GRID2: variants seen among roughly 807,000 people sequenced by gnomAD.
The protein encoded by GRID2 is glutamate receptor ionotropic, delta-2.
In GRID2, 33 loss-of-function variants were observed where a neutral mutation model predicts 114.8. The ratio of observed to expected loss-of-function variants is 0.29; its 90% confidence interval spans 0.22 to 0.38. The LOEUF is 0.38. Ranked by LOEUF, GRID2 falls within the 10% of genes least tolerant of loss-of-function variation. The pLI is 1.00. For missense variants in GRID2, 1,184 were observed against 1,257.7 expected, an observed-to-expected ratio of 0.94 and a Z score of 0.89; for synonymous variants, 505 against 449.9, an observed-to-expected ratio of 1.12 and a Z score of -1.55.
intron 2 of GRID2, among the ~76,000 whole-genome samples, chr4:92,967,080 AT>A (rs976070195): frequency 3.3e-5 from 5 of 151,326 alleles, no homozygotes; most frequent in African/African-American, 1.2e-4. Context: ...CCCACTTTAT[AT>A]GTACTCTCCA....
intron 14 of GRID2, among the ~76,000 whole-genome samples, chr4:93,744,660 C>A (rs1243608028): frequency 1.3e-5 from 2 of 152,152 alleles, no homozygotes; most frequent in Non-Finnish European, 2.9e-5. Context: ...GTTGAAATAA[C>A]AAAGGATTTT....
chr4:93,507,945 T>G (rs1369410573), intron 12 of GRID2, among the ~76,000 whole-genome samples: 3 of 151,960 alleles, frequency 2.0e-5, no homozygotes, highest in Non-Finnish European at 4.4e-5. Flanking sequence ...AATATTTCTT[T>G]AAAAATGAAC....
chr4:92,393,749 ATAT>A (rs1730361580), intron 1 of GRID2, among the ~76,000 whole-genome samples: 1 of 152,134 alleles, frequency 6.6e-6, no homozygotes, highest in African/African-American at 2.4e-5. Context: ...AGGGGGTAAA[ATAT>A]TATTAGCCAG....
At chr4:92,443,547 G>A (rs911592775) in intron 1 of GRID2, among the ~76,000 whole-genome samples, 1 of 152,058 alleles carries the variant, frequency 6.6e-6, no homozygotes, top group Non-Finnish European at 1.5e-5. Context: ...GGGGCACAGA[G>A]ATAAGAGGTC....
intron 14 of GRID2, among the ~76,000 whole-genome samples, chr4:93,710,077 T>C (rs1457847243): frequency 6.6e-6 from 1 of 152,190 alleles, no homozygotes; most frequent in Non-Finnish European, 1.5e-5. Flanking sequence ...CTGGTGCCTT[T>C]TAGTCTGTTT....
rs957676664 is a variant in GRID2, at chr4:92,325,569, A to G, written c.88+20825A>G. Among the ~76,000 whole-genome samples, 4 of 151,922 alleles carry G rather than the reference A, an allele frequency of 2.6e-5. No individual in the cohort carries two copies. In the South Asian group the frequency reaches 8.3e-4, roughly 31 times the overall value. The stretch of plus-strand genomic sequence containing the variant: ...AGTGAAGAAAACTGCCTATGAATAT[A>G]TGAGTTATTTATATTCCCATTTTCA... On this transcript the variant is annotated intron_variant, in intron 1 of 15. Transcript: ENST00000282020.
intron 3 of GRID2, among the ~76,000 whole-genome samples, chr4:93,093,005 A>C (rs12506519): frequency 0.37 from 56,786 of 151,712 alleles, 11,067 homozygotes; most frequent in Admixed American, 0.54. Context: ...TAAGCAAACT[A>C]CAACGAACAC....
At chr4:92,666,650 G>GTTTTTTGTTTTTTT (rs1286942855) in intron 2 of GRID2, among the ~76,000 whole-genome samples, 5 of 68,600 alleles carry the variant, frequency 7.3e-5, no homozygotes, top group African/African-American at 2.6e-4. Flanking sequence ...CTTAAGGGTT[G>GTTTTTTGTTTTTTT]TTTTTTTTTT....
chr4:92,420,831 C>T (rs997885560), intron 1 of GRID2, among the ~76,000 whole-genome samples: 1 of 152,062 alleles, frequency 6.6e-6, no homozygotes, highest in Non-Finnish European at 1.5e-5. Context: ...ATTACAGGCA[C>T]GTGCCATCAT....
intron 14 of GRID2, among the ~76,000 whole-genome samples, chr4:93,753,651 T>C (rs938859268): frequency 1.4e-4 from 22 of 152,208 alleles, no homozygotes; most frequent in Non-Finnish European, 3.1e-4. Context: ...GCTTCATCCA[T>C]GTCCCTACAA....
intron 8 of GRID2, among the ~76,000 whole-genome samples, chr4:93,295,774 CA>C (rs1025358951): frequency 1.3e-5 from 2 of 152,154 alleles, no homozygotes; most frequent in African/African-American, 2.4e-5. Context: ...GACATTTTCA[CA>C]AAAACACTGA....
At chr4:93,062,817 A>G (rs1344877441) in intron 2 of GRID2, among the ~76,000 whole-genome samples, 1 of 152,036 alleles carries the variant, frequency 6.6e-6, no homozygotes, top group Non-Finnish European at 1.5e-5. Context: ...GGCAGTTTCC[A>G]TGTCAGTGCC....
At chr4:93,277,846 G>T (rs764524576) in intron 8 of GRID2, among the ~76,000 whole-genome samples, 1 of 151,854 alleles carries the variant, frequency 6.6e-6, no homozygotes, top group African/African-American at 2.4e-5. Flanking sequence ...TTCAAAGGAA[G>T]GAATGAATGA....
At chr4:93,708,755 T>C (rs142145585) in intron 14 of GRID2, among the ~76,000 whole-genome samples, 11 of 152,042 alleles carry the variant, frequency 7.2e-5, no homozygotes, top group Non-Finnish European at 1.5e-4. Flanking sequence ...TTCCTTTCTT[T>C]CCTTTCTTTC....
chr4:93,336,214 G>A (rs1351810566), intron 8 of GRID2, among the ~76,000 whole-genome samples: 2 of 151,996 alleles, frequency 1.3e-5, no homozygotes, highest in African/African-American at 4.8e-5. Flanking sequence ...TTTCTGTGCA[G>A]TCTTTTGAAC....
intron 4 of GRID2, among the ~76,000 whole-genome samples, chr4:93,132,809 C>T (rs1734921260): frequency 1.3e-5 from 2 of 152,060 alleles, no homozygotes; most frequent in African/African-American, 2.4e-5. Flanking sequence ...CGATGTGCTT[C>T]GAAATAGCTC....
chr4:92,816,989 T>C (rs1578230732), intron 2 of GRID2, among the ~76,000 whole-genome samples: 1 of 152,096 alleles, frequency 6.6e-6, no homozygotes, highest in East Asian at 1.9e-4. Context: ...TCATCTACTA[T>C]CTTTAAAATC....
At chr4:93,367,776 T>A (rs1421647809) in intron 8 of GRID2, among the ~76,000 whole-genome samples, 1 of 152,180 alleles carries the variant, frequency 6.6e-6, no homozygotes, top group African/African-American at 2.4e-5. Flanking sequence ...TGAAAAGACA[T>A]ACAGAGAAGA....
At chr4:93,450,114 A>T (rs1722537062) in intron 10 of GRID2, among the ~76,000 whole-genome samples, 2 of 151,970 alleles carry the variant, frequency 1.3e-5, no homozygotes, top group African/African-American at 4.8e-5. Context: ...TGTATAATTT[A>T]TATCAATTGA....
Sources: allele counts gnomAD v4.1 joint callset (sites outside exome capture counted in the v4.1 genomes callset), GRCh38; gene constraint gnomAD v4.1.1; transcripts MANE v1.5; gene names NCBI Gene and HGNC (gene_info 2026-07-23, HGNC 2026-07-21).